CMTR1: variants seen among roughly 807,000 people sequenced by gnomAD.
CMTR1 encodes cap-specific mRNA (nucleoside-2'-O-)-methyltransferase 1.
In CMTR1, 39 loss-of-function variants were observed where a neutral mutation model predicts 107.0. The ratio of observed to expected loss-of-function variants is 0.36; its 90% confidence interval spans 0.28 to 0.48. CMTR1 has a LOEUF of 0.48. Among genes scored for constraint, CMTR1 ranks in the 20% least tolerant of loss-of-function variants. The pLI is 0.99. For missense variants in CMTR1, 672 were observed against 1,064.9 expected (o/e 0.63, Z 5.14); for synonymous variants, 366 against 379.5 (o/e 0.96, Z 0.41).
chr6:37,464,925 T>C (rs554449911), intron 13 of CMTR1, among the ~76,000 whole-genome samples: 10 of 150,212 alleles, frequency 6.7e-5, no homozygotes, highest in Non-Finnish European at 1.0e-4. Flanking sequence ...TGTGTGTGTG[T>C]GTGTACAGAC....
At chr6:37,435,287 A>G (rs1195398059) in intron 1 of CMTR1, among the ~76,000 whole-genome samples, 1 of 152,200 alleles carries the variant, frequency 6.6e-6, no homozygotes, top group Non-Finnish European at 1.5e-5. Flanking sequence ...CCAATATTGC[A>G]TCAAAAGTGT....
chr6:37,461,871 C>CT, intron 11 of CMTR1, 99 bp from the exon 12 acceptor site: 1 of 1,359,406 alleles, frequency 7.4e-7, no homozygotes, highest in Non-Finnish European at 1.0e-6. Flanking sequence ...GACCCAGGTG[C>CT]TGGTTTCCTT....
chr6:37,446,273 A>C lies in CMTR1; in HGVS notation c.286-18A>C. ...TGTTGAACCTAATTAATTGTGCTCCACTACTTCTCTTTTTCAGGCCAAGAT... is the reference window on the plus strand; with the variant it reads ...TGTTGAACCTAATTAATTGTGCTCCCCTACTTCTCTTTTTCAGGCCAAGAT... On this transcript the variant is annotated intron_variant, in intron 3 of 23. Transcript: ENST00000373451. 6.2e-7 allele frequency: 1 copy of C among 1,613,766 alleles called. No homozygotes were observed. Among genetic ancestry groups the C allele is most frequent in the Non-Finnish European group, 8.5e-7 (1 of 1,179,780 alleles).
intron 10 of CMTR1, 126 bp from the exon 11 acceptor site, chr6:37,461,423 T>G (rs936925898): frequency 1.4e-5 from 8 of 564,806 alleles, no homozygotes; most frequent in East Asian, 5.9e-5. Context: ...CTGAGCTGCT[T>G]CTTCATCAAT....
At chr6:37,429,371 T>C (rs1194360017), upstream of CMTR1, among the ~76,000 whole-genome samples, 1 of 152,196 alleles carries the variant, frequency 6.6e-6, no homozygotes, top group Admixed American at 6.5e-5. Context: ...CAACATAAAA[T>C]TTACCATCTT....
At chr6:37,443,904 G>T (rs756534332) in intron 2 of CMTR1, 95 bp from the exon 3 acceptor site, 7 of 1,352,204 alleles carry the variant, frequency 5.2e-6, no homozygotes, top group Non-Finnish European at 7.1e-6. Flanking sequence ...TGTGCATTGT[G>T]TATACTGAAC....
At chr6:37,424,629 A>T in the CMTR1 span, among the ~76,000 whole-genome samples, 89 of 152,294 alleles carry the variant, frequency 5.8e-4, no homozygotes, top group African/African-American at 2.0e-3. Context: ...CAAAATACAG[A>T]GTTGCAAACC....
At chr6:37,426,368 T>C in the CMTR1 span, among the ~76,000 whole-genome samples, 2 of 152,222 alleles carry the variant, frequency 1.3e-5, no homozygotes, top group Non-Finnish European at 2.9e-5. Context: ...TTGTTGGAAA[T>C]TGGACATATG....
chr6:37,477,131 C>A (rs1005073827), intron 20 of CMTR1, among the ~76,000 whole-genome samples: 1 of 152,198 alleles, frequency 6.6e-6, no homozygotes, highest in African/African-American at 2.4e-5. Context: ...AGGGTTTCCC[C>A]ACCCGCTGTG....
intron 1 of CMTR1, among the ~76,000 whole-genome samples, chr6:37,434,073 G>T (rs1771465523): frequency 6.6e-6 from 1 of 152,168 alleles, no homozygotes; most frequent in Non-Finnish European, 1.5e-5. Context: ...GCTCTGTGAT[G>T]AGCCTTCCTT....
chr6:37,463,297 C>G (rs1761438922), intron 13 of CMTR1, among the ~76,000 whole-genome samples: 4 of 152,170 alleles, frequency 2.6e-5, no homozygotes, highest in Admixed American at 2.0e-4. Flanking sequence ...CAGCCTGTGT[C>G]CCTGGAGGCA....
chr6:37,466,906 C>T (rs772401844), intron 13 of CMTR1, among the ~76,000 whole-genome samples: 2 of 152,118 alleles, frequency 1.3e-5, no homozygotes, highest in Non-Finnish European at 2.9e-5. Flanking sequence ...CACGGTGGCT[C>T]ACACCTGTAA....
At position 37,481,376 on chromosome 6, in the gene CMTR1, C is replaced by A; in HGVS notation, c.*1231C>A. On this transcript the variant is annotated 3_prime_UTR_variant, in exon 24 of 24. Coordinates refer to ENST00000373451, the MANE Select transcript of CMTR1 (RefSeq NM_015050.3). ...TTGGAATCGACTTCACCATGGGGGT[C>A]CTTCAGCCAGCATCCAGCTCCCCAC... 1 of 1,187,232 alleles carries A rather than the reference C, an allele frequency of 8.4e-7. No individual in the cohort carries two copies. The allele number at this position is 1,187,232 out of a possible 1,614,324, so 73.5% of individuals were successfully genotyped here. A position where few individuals can be genotyped will look rare whatever the true frequency, so the allele number is the denominator to read the frequency against.
At chr6:37,453,645 G>GAGCACTGGGA (rs11281028) in intron 8 of CMTR1, among the ~76,000 whole-genome samples, 1 of 151,668 alleles carries the variant, frequency 6.6e-6, no homozygotes. Context: ...AATGAGAGGG[G>GAGCACTGGGA]AATATGGTTT....
chr6:37,475,609 T>C, intron 19 of CMTR1, 197 bp downstream of exon 19: 1 of 599,712 alleles, frequency 1.7e-6, no homozygotes, highest in Non-Finnish European at 3.0e-6. Context: ...TTGCTAGGGC[T>C]TGGGCCCTGG....
chr6:37,448,872 C>T (rs1581734034), intron 4 of CMTR1, among the ~76,000 whole-genome samples: 1 of 152,146 alleles, frequency 6.6e-6, no homozygotes, highest in Non-Finnish European at 1.5e-5. Context: ...AAAACTTATC[C>T]CCAGGCCTCA....
Position 37,472,526 on chromosome 6 carries a change from A to C in CMTR1, c.1689+39A>C. On this transcript the variant is annotated intron_variant, in intron 16 of 23. Transcript: ENST00000373451. This position sits in a 1 kb window ranked among gnomAD's most constrained non-coding sequence, Gnocchi z 4.1. ...CTGTGGTGGACATAAAAAGTTAGAG[A>C]TCTGTCTCTAGATGTGGATGGTATC... The C allele has an allele frequency of 6.3e-7, 1 of 1,589,512 alleles. No individual in the cohort carries two copies. Among genetic ancestry groups the C allele is most frequent in the Non-Finnish European group, 8.6e-7 (1 of 1,157,782 alleles).
intron 13 of CMTR1, among the ~76,000 whole-genome samples, chr6:37,467,359 G>C (rs530488592): frequency 1.3e-5 from 2 of 152,242 alleles, no homozygotes; most frequent in South Asian, 4.2e-4. Flanking sequence ...ACCATTCTCA[G>C]AGAATGTATT....
intron 13 of CMTR1, among the ~76,000 whole-genome samples, chr6:37,469,897 T>C (rs550320927): frequency 3.3e-5 from 5 of 151,844 alleles, no homozygotes; most frequent in African/African-American, 1.2e-4. Flanking sequence ...AGTTTGCTAT[T>C]GTCCCCAATA....
Sources: gnomAD v4.1 joint callset for allele counts (sites outside exome capture counted in the v4.1 genomes callset) on GRCh38, gnomAD v4.1.1 for gene constraint, Gnocchi (gnomAD v3.1) non-coding constraint, MANE v1.5 for transcripts, NCBI Gene and HGNC (gene_info 2026-07-23, HGNC 2026-07-21) for gene names.